FRMD5: variants seen among roughly 807,000 people sequenced by gnomAD.
FRMD5 encodes the protein FERM domain containing 5.
FRMD5 carries 20 observed loss-of-function variants against 69.0 expected under a neutral mutation model. The ratio of observed to expected loss-of-function variants is 0.29; its 90% confidence interval spans 0.20 to 0.42. The LOEUF (loss-of-function observed/expected upper bound fraction) is 0.42. FRMD5 is among the 10% of genes least tolerant of loss of function. The pLI, the probability that FRMD5 is intolerant of heterozygous loss-of-function variation, is 1.00. For missense variants in FRMD5, 595 were observed against 708.6 expected (o/e 0.84, Z 1.82); for synonymous variants, 271 against 260.1 (o/e 1.04, Z -0.40).
intron 12 of FRMD5, 26 bp downstream of exon 12, chr15:43,884,701 T>C (rs372213408): frequency 5.6e-6 from 9 of 1,607,154 alleles, no homozygotes; most frequent in Admixed American, 3.3e-5. Flanking sequence ...CTACAACTGT[T>C]TGGGGGGAAG....
upstream of FRMD5, among the ~76,000 whole-genome samples, chr15:44,196,321 G>A (rs12916211): frequency 0.27 from 41,488 of 151,838 alleles, 6,673 homozygotes; most frequent in Middle Eastern, 0.44. Context: ...AAAATTAGCC[G>A]TGCATGGTAG....
intron 1 of FRMD5, among the ~76,000 whole-genome samples, chr15:44,033,441 T>C (rs1285624183): frequency 6.6e-6 from 1 of 152,220 alleles, no homozygotes; most frequent in Non-Finnish European, 1.5e-5. Flanking sequence ...AAATTCTCTT[T>C]TAAGAGGCAT....
chr15:43,942,231 T>C (rs1695122633), intron 1 of FRMD5, among the ~76,000 whole-genome samples: 1 of 152,208 alleles, frequency 6.6e-6, no homozygotes, highest in South Asian at 2.1e-4. Flanking sequence ...TAGGAATTCA[T>C]AATTAAAGAA....
intron 1 of FRMD5, among the ~76,000 whole-genome samples, chr15:43,966,666 G>C (rs2090300047): frequency 6.6e-6 from 1 of 152,016 alleles, no homozygotes. Context: ...GGAGAAATGG[G>C]GAACAAAAAC....
At chr15:43,963,528 A>G (rs1352292741) in intron 1 of FRMD5, among the ~76,000 whole-genome samples, 1 of 152,168 alleles carries the variant, frequency 6.6e-6, no homozygotes, top group Admixed American at 6.5e-5. Context: ...AACTAGAAAT[A>G]CCATTTGACC....
chr15:44,066,498 AG>A (rs1893316515), intron 1 of FRMD5, among the ~76,000 whole-genome samples: 1 of 152,218 alleles, frequency 6.6e-6, no homozygotes, highest in Non-Finnish European at 1.5e-5. Flanking sequence ...GAAGAACTGA[AG>A]GAAGACAGGC....
chr15:44,024,960 A>C (rs1891366354), intron 1 of FRMD5, among the ~76,000 whole-genome samples: 1 of 152,214 alleles, frequency 6.6e-6, no homozygotes, highest in South Asian at 2.1e-4. Context: ...TGAGATCTGG[A>C]GAGTAACAGA....
rs2088166702 is a variant in FRMD5 at position 43,871,780 on chromosome 15, C to T, written c.*2105G>A. 1 of 152,234 alleles carries T rather than the reference C, an allele frequency of 6.6e-6. No homozygotes were observed. Among genetic ancestry groups the T allele is most frequent in the African/African-American group, 2.4e-5 (1 of 41,456 alleles). 9.4% of individuals were successfully genotyped at this position (152,234 alleles called of 1,614,324 possible). A position where few individuals can be genotyped will look rare whatever the true frequency, so the allele number is the denominator to read the frequency against. On this transcript the variant is annotated 3_prime_UTR_variant, in exon 14 of 14. Transcript: ENST00000417257. ...TAGATTCCAGCTGTGTTTTAGCATT[C>T]CAGTATTTGATCTTGCCCATTTGGC...
rs935313289 is a variant in FRMD5 at position 44,077,946 on chromosome 15, TGTTA to T, written c.102+117003_102+117006del. ...CCTGAAGATTTGGATTTTTACAGCT[TGTTA>T]AAGTGGTTAAACTATGTATATTTTT... On this transcript the variant is annotated intron_variant, in intron 1 of 13. Transcript: ENST00000417257. Among the ~76,000 whole-genome samples the T allele has an allele frequency of 7.2e-5, 11 of 152,162 alleles. No homozygotes were observed. In the East Asian group the frequency reaches 1.2e-3, roughly 16 times the overall value.
upstream of FRMD5, among the ~76,000 whole-genome samples, chr15:44,197,972 T>C (rs2078322502): frequency 1.3e-5 from 2 of 152,122 alleles, no homozygotes; most frequent in African/African-American, 2.4e-5. Flanking sequence ...GAGACTGTAT[T>C]TCCTATGTCA....
intron 1 of FRMD5, among the ~76,000 whole-genome samples, chr15:43,928,144 C>A (rs2089616575): frequency 6.6e-6 from 1 of 152,148 alleles, no homozygotes; most frequent in Admixed American, 6.5e-5. Flanking sequence ...CTTTTCAGCA[C>A]CTGGTGAATC....
At chr15:43,983,905 A>T (rs1175274951) in intron 1 of FRMD5, among the ~76,000 whole-genome samples, 5 of 152,232 alleles carry the variant, frequency 3.3e-5, no homozygotes, top group African/African-American at 1.2e-4. Flanking sequence ...AGGACAATTT[A>T]TAAAGAAGTC....
At chr15:44,055,201 A>C (rs1216722354) in intron 1 of FRMD5, among the ~76,000 whole-genome samples, 1 of 152,032 alleles carries the variant, frequency 6.6e-6, no homozygotes, top group Non-Finnish European at 1.5e-5. Flanking sequence ...ACCAGGAGCT[A>C]GGGTGGGTAG....
rs763998751 is a variant in FRMD5 at position 43,874,091 on chromosome 15, G to A, written c.1507C>T (p.Arg503Cys). 3.1e-6 allele frequency: 5 copies of A among 1,614,106 alleles called. No homozygotes were observed. The highest frequency in any genetic ancestry group is 2.7e-5 in the African/African-American group (2 of 74,936). The change falls in exon 14 of 14, where the codon CGT becomes TGT. Residue 503 changes from arginine to cysteine, a missense_variant. Arg to Cys is a radical substitution (Grantham distance 180). Around this residue, in one of 5 missense-constraint regions of FRMD5, gnomAD observed 245 missense variants for 227.1 expected, o/e 1.08. Transcript: ENST00000417257. ...QVNKFVLSVL[R>C]LLLVTMGLLF... ...AGTCCCATGGTCACAAGGAGCAAAC[G>A]GAGGACACTTAGAACAAACTTATTC...
intron 1 of FRMD5, among the ~76,000 whole-genome samples, chr15:44,122,726 C>T (rs561261474): frequency 9.2e-5 from 14 of 152,086 alleles, no homozygotes; most frequent in African/African-American, 3.1e-4. Context: ...CGGTGAAACC[C>T]CGTCTCTACT....
At chr15:44,076,433 C>T (rs1003021760) in intron 1 of FRMD5, among the ~76,000 whole-genome samples, 1 of 148,314 alleles carries the variant, frequency 6.7e-6, no homozygotes, top group African/African-American at 2.5e-5. Flanking sequence ...CCATGGAATA[C>T]TATGCAGCCA....
chr15:43,924,313 C>T lies in FRMD5; in HGVS notation c.103-4G>A, dbSNP rs2089544701. On this transcript the variant is annotated splice_polypyrimidine_tract_variant and splice_region_variant and intron_variant, in intron 1 of 13. Coordinates refer to ENST00000417257, the MANE Select transcript of FRMD5 (RefSeq NM_032892.5). Reference sequence around the variant, plus strand: ...GGTACTGGCCTTTGGCATCTCTCTGCAAAGAAAGAAAACTCCATTGAGAAA... The same window carrying T: ...GGTACTGGCCTTTGGCATCTCTCTGTAAAGAAAGAAAACTCCATTGAGAAA... The T allele has an allele frequency of 1.2e-6, 2 of 1,607,382 alleles. No homozygotes were observed. The highest frequency in any genetic ancestry group is 2.2e-5 in the East Asian group (1 of 44,810).
chr15:44,148,493 T>C (rs569681220), intron 1 of FRMD5, among the ~76,000 whole-genome samples: 2 of 152,082 alleles, frequency 1.3e-5, no homozygotes, highest in Non-Finnish European at 2.9e-5. Context: ...GGATGGTCTC[T>C]ATCTCCTGAC....
intron 1 of FRMD5, among the ~76,000 whole-genome samples, chr15:44,059,915 T>C (rs952381279): frequency 3.3e-5 from 5 of 152,164 alleles, no homozygotes; most frequent in Non-Finnish European, 2.9e-5. Context: ...CTTTAAAAAA[T>C]AGTATTTAAG....
Sources: allele counts gnomAD v4.1 joint callset (sites outside exome capture counted in the v4.1 genomes callset), GRCh38; gene constraint gnomAD v4.1.1; regional missense constraint gnomAD v4.1.1; transcripts MANE v1.5; gene names NCBI Gene and HGNC (gene_info 2026-07-23, HGNC 2026-07-21).